The following ASTN2 variants were observed in gnomAD, a reference collection of about 807,000 sequenced individuals.
ASTN2 encodes the protein astrotactin 2.
In ASTN2, 54 loss-of-function variants were observed where a neutral mutation model predicts 139.8. The observed-to-expected ratio is 0.39, with a 90% CI of 0.31 to 0.48. ASTN2 has a LOEUF of 0.48. ASTN2 is among the 20% of genes least tolerant of loss of function. ASTN2 has a pLI of 0.95. For missense variants in ASTN2, 1,565 were observed against 1,725.1 expected (o/e 0.91, Z 1.64); for synonymous variants, 756 against 719.5 (o/e 1.05, Z -0.81).
At chr9:117,271,442 C>T (rs370261188) in intron 2 of ASTN2, among the ~76,000 whole-genome samples, 112 of 152,238 alleles carry the variant, frequency 7.4e-4, no homozygotes, top group Middle Eastern at 3.4e-3. Context: ...CATATCATTC[C>T]GCCCCTGACC....
intron 19 of ASTN2, among the ~76,000 whole-genome samples, chr9:116,531,491 T>C (rs1303467630): frequency 1.3e-5 from 2 of 152,182 alleles, no homozygotes; most frequent in East Asian, 1.9e-4. Flanking sequence ...ATATTAGGTA[T>C]ATCTCCTAAT....
intron 2 of ASTN2, among the ~76,000 whole-genome samples, chr9:117,234,861 G>A (rs946498440): frequency 1.3e-5 from 2 of 152,220 alleles, no homozygotes; most frequent in African/African-American, 4.8e-5. Flanking sequence ...AAGACAGAAA[G>A]CTGTTTAAAG....
At chr9:116,533,773 T>C (rs1050840103) in intron 19 of ASTN2, among the ~76,000 whole-genome samples, 5 of 152,212 alleles carry the variant, frequency 3.3e-5, no homozygotes, top group African/African-American at 9.6e-5. Context: ...CAGTATTTTA[T>C]TGAAGATTTT....
intron 16 of ASTN2, among the ~76,000 whole-genome samples, chr9:116,722,211 GA>G (rs1181979821): frequency 1.3e-5 from 2 of 152,150 alleles, no homozygotes; most frequent in African/African-American, 4.8e-5. Context: ...CGTAGGAACA[GA>G]GCCTATATCT....
At chr9:117,034,130 C>T (rs548188237) in intron 6 of ASTN2, among the ~76,000 whole-genome samples, 7 of 152,158 alleles carry the variant, frequency 4.6e-5, no homozygotes, top group African/African-American at 9.6e-5. Flanking sequence ...CCTGCCTACA[C>T]TGGAGTGGAA....
chr9:116,492,529 A>AG (rs1433730354), intron 19 of ASTN2, among the ~76,000 whole-genome samples: 5 of 152,186 alleles, frequency 3.3e-5, no homozygotes, highest in Non-Finnish European at 7.3e-5. Flanking sequence ...ACTCAACAGG[A>AG]GGAGATTTGG....
At chr9:117,168,108 G>A (rs1830710961) in intron 3 of ASTN2, among the ~76,000 whole-genome samples, 1 of 152,050 alleles carries the variant, frequency 6.6e-6, no homozygotes, top group African/African-American at 2.4e-5. Flanking sequence ...TTTCTCCATT[G>A]CAGAGTTGCC....
At chr9:116,714,287 C>G (rs1828251080) in intron 16 of ASTN2, among the ~76,000 whole-genome samples, 1 of 152,044 alleles carries the variant, frequency 6.6e-6, no homozygotes, top group Non-Finnish European at 1.5e-5. Flanking sequence ...GACAGATTAG[C>G]CAGGGAGAAA....
rs114602297 is a variant in ASTN2 at position 117,217,598 on chromosome 9, C to G, written c.631-2856G>C. ...CTGCTTAGACACTCTGTGACCTTGA[C>G]CAGTTTATTTTATCTTTCTAGATCT... On this transcript the variant is annotated intron_variant, in intron 2 of 22. Transcript: ENST00000313400. Among the ~76,000 whole-genome samples, 1,420 of 152,270 alleles carry G rather than the reference C, an allele frequency of 9.3e-3. 24 individuals carry two copies. The highest frequency in any genetic ancestry group is 0.033 in the African/African-American group (1,366 of 41,560).
chr9:117,227,966 C>A (rs537441161), intron 2 of ASTN2, among the ~76,000 whole-genome samples: 18 of 152,182 alleles, frequency 1.2e-4, no homozygotes, highest in Admixed American at 5.2e-4. Flanking sequence ...AATCATAGGA[C>A]TTTAGTGAAA....
intron 10 of ASTN2, among the ~76,000 whole-genome samples, chr9:116,896,608 C>T (rs116259330): frequency 4.6e-5 from 7 of 152,234 alleles, no homozygotes; most frequent in East Asian, 1.9e-4. Context: ...CATGAGCTGC[C>T]GTGCCCCTCC....
intron 2 of ASTN2, among the ~76,000 whole-genome samples, chr9:117,275,767 T>C (rs1344599562): frequency 6.6e-6 from 1 of 152,110 alleles, no homozygotes; most frequent in Non-Finnish European, 1.5e-5. Flanking sequence ...GGTTTCGCCA[T>C]GTTGACCAGG....
intron 2 of ASTN2, among the ~76,000 whole-genome samples, chr9:117,215,470 T>TATATATATATATA (rs1294291299): frequency 3.4e-3 from 69 of 20,148 alleles, no homozygotes; most frequent in Admixed American, 0.015. Context: ...GGTCAACTGA[T>TATATATATATATA]ATATATATAT....
intron 13 of ASTN2, among the ~76,000 whole-genome samples, chr9:116,738,859 G>A (rs1182236300): frequency 6.6e-6 from 1 of 152,178 alleles, no homozygotes; most frequent in Non-Finnish European, 1.5e-5. Flanking sequence ...CTGTGCTCTT[G>A]ATCCCTGGCA....
At chr9:116,635,219 C>A (rs1262989962) in intron 17 of ASTN2, among the ~76,000 whole-genome samples, 1 of 152,146 alleles carries the variant, frequency 6.6e-6, no homozygotes, top group Admixed American at 6.5e-5. Flanking sequence ...CAGAGCCACC[C>A]TATAAAGTGG....
At chr9:117,119,029 G>A (rs1829475706) in intron 4 of ASTN2, among the ~76,000 whole-genome samples, 1 of 152,172 alleles carries the variant, frequency 6.6e-6, no homozygotes, top group Admixed American at 6.5e-5. Context: ...CAGGAGTTCA[G>A]GACCTTTGTC....
At chr9:117,127,087 G>A (rs73657665) in intron 4 of ASTN2, among the ~76,000 whole-genome samples, 1,811 of 152,270 alleles carry the variant, frequency 0.012, 40 homozygotes, top group Middle Eastern at 0.075. Flanking sequence ...AGCTCTGCTG[G>A]GACCACAGAT....
intron 13 of ASTN2, among the ~76,000 whole-genome samples, chr9:116,790,694 G>C (rs184801291): frequency 0.026 from 2,511 of 95,526 alleles, 68 homozygotes; most frequent in African/African-American, 0.087. Context: ...TTTTTTTTTT[G>C]AGATGGAGTC....
At chr9:116,870,674 T>A (rs573529293) in intron 10 of ASTN2, among the ~76,000 whole-genome samples, 49 of 152,290 alleles carry the variant, frequency 3.2e-4, no homozygotes, top group Admixed American at 3.0e-3. Context: ...CCTAATTACC[T>A]GACCGGTAAA....
Sources: allele counts gnomAD v4.1 joint callset (sites outside exome capture counted in the v4.1 genomes callset), GRCh38; gene constraint gnomAD v4.1.1; transcripts MANE v1.5; gene names NCBI Gene and HGNC (gene_info 2026-07-23, HGNC 2026-07-21).